NDUFS4: variants seen among roughly 807,000 people sequenced by gnomAD.
NDUFS4 encodes the protein NADH dehydrogenase [ubiquinone] iron-sulfur protein 4, mitochondrial.
NDUFS4 carries 28 observed loss-of-function variants against 24.3 expected under a neutral mutation model. The ratio of observed to expected loss-of-function variants is 1.15; its 90% confidence interval spans 0.85 to 1.58. The LOEUF (loss-of-function observed/expected upper bound fraction) is 1.58, where lower values mean the gene tolerates loss of function less well. NDUFS4 is among the 40% of genes most tolerant of loss of function. The pLI is 0.00. For synonymous variants in NDUFS4, 93 were observed against 69.7 expected (o/e 1.34, Z -1.67); for missense variants, 223 against 207.9 (o/e 1.07, Z -0.45).
intron 2 of NDUFS4, among the ~76,000 whole-genome samples, chr5:53,613,212 C>G (rs1750751939): frequency 6.6e-6 from 1 of 152,006 alleles, no homozygotes; most frequent in Non-Finnish European, 1.5e-5. Flanking sequence ...TGGGGTTATA[C>G]AGCTTTCTAG....
chr5:53,586,430 A>G (rs1445446314), intron 1 of NDUFS4, among the ~76,000 whole-genome samples: 1 of 152,224 alleles, frequency 6.6e-6, no homozygotes, highest in Non-Finnish European at 1.5e-5. Flanking sequence ...GATTTCAGAA[A>G]AATGATTGCA....
intron 2 of NDUFS4, among the ~76,000 whole-genome samples, chr5:53,629,453 T>C (rs1300238262): frequency 6.6e-6 from 1 of 152,150 alleles, no homozygotes; most frequent in Non-Finnish European, 1.5e-5. Flanking sequence ...TCTGTCTCGT[T>C]GATGTGTCTA....
intron 4 of NDUFS4, among the ~76,000 whole-genome samples, chr5:53,665,507 A>T (rs1214868049): frequency 2.6e-5 from 4 of 152,284 alleles, no homozygotes; most frequent in South Asian, 2.1e-4. Flanking sequence ...TTGTTTACCT[A>T]GTCAAGCCTT....
intron 1 of NDUFS4, among the ~76,000 whole-genome samples, chr5:53,580,735 T>TC (rs1749537630): frequency 6.7e-6 from 1 of 149,272 alleles, no homozygotes; most frequent in African/African-American, 2.5e-5. Context: ...CTTTTCCCTT[T>TC]CCTTTCCTTT....
chr5:53,662,631 T>G lies in NDUFS4; in HGVS notation c.424+4007T>G, dbSNP rs544736989. The stretch of plus-strand genomic sequence containing the variant: ...CTGTGAATCCATCTGGTCCTGGACT[T>G]TTTTTGGTTGGTAATCTATTAATTA... On this transcript the variant is annotated intron_variant, in intron 4 of 4. Transcript: ENST00000296684. Among the ~76,000 whole-genome samples the G allele has an allele frequency of 3.3e-3, 508 of 152,118 alleles. 4 individuals are homozygous for G. The highest frequency in any genetic ancestry group is 0.012 in the African/African-American group (496 of 41,506).
intron 2 of NDUFS4, among the ~76,000 whole-genome samples, chr5:53,610,606 G>C (rs1750664311): frequency 6.6e-6 from 1 of 152,140 alleles, no homozygotes; most frequent in South Asian, 2.1e-4. Context: ...TTCATAAAAT[G>C]AGGTATGCCT....
intron 4 of NDUFS4, among the ~76,000 whole-genome samples, chr5:53,671,917 C>CTCTT (rs947147257): frequency 2.0e-5 from 3 of 152,008 alleles, no homozygotes; most frequent in African/African-American, 7.2e-5. Context: ...GCTATAAAAA[C>CTCTT]TCTTTGAAAT....
chr5:53,606,542 C>G (rs1579864778), intron 2 of NDUFS4, among the ~76,000 whole-genome samples: 1 of 152,090 alleles, frequency 6.6e-6, no homozygotes, highest in Non-Finnish European at 1.5e-5. Flanking sequence ...AGTTTTTGTA[C>G]TTTTAGTAGA....
intron 2 of NDUFS4, among the ~76,000 whole-genome samples, chr5:53,625,124 T>C (rs1391108081): frequency 6.6e-6 from 1 of 152,116 alleles, no homozygotes; most frequent in African/African-American, 2.4e-5. Flanking sequence ...TTTGGCTTTA[T>C]TTTTTGTAGA....
chr5:53,658,486 A>G (rs1414617338), intron 3 of NDUFS4, 65 bp from the exon 4 acceptor site: 7 of 1,073,510 alleles, frequency 6.5e-6, no homozygotes, highest in Non-Finnish European at 1.0e-5. Flanking sequence ...TTTATTTTAA[A>G]TATTGATTTT....
At chr5:53,581,022 G>A (rs256109) in intron 1 of NDUFS4, among the ~76,000 whole-genome samples, 30,942 of 151,862 alleles carry the variant, frequency 0.2, 3,678 homozygotes, top group East Asian at 0.46. Context: ...TAATAGAGAT[G>A]GGGTTTCTCC....
intron 2 of NDUFS4, among the ~76,000 whole-genome samples, chr5:53,643,417 A>T (rs1463315562): frequency 1.3e-5 from 2 of 152,090 alleles, no homozygotes; most frequent in Admixed American, 6.6e-5. Flanking sequence ...CGGATTTTAA[A>T]TTTTTTTGTG....
intron 2 of NDUFS4, among the ~76,000 whole-genome samples, chr5:53,619,916 G>A (rs762602063): frequency 2.0e-5 from 3 of 151,978 alleles, no homozygotes; most frequent in Admixed American, 1.3e-4. Context: ...GCAACTATAC[G>A]CAATGCTAGA....
At chr5:53,568,781 A>G (rs1416642980) in intron 1 of NDUFS4, among the ~76,000 whole-genome samples, 1 of 152,186 alleles carries the variant, frequency 6.6e-6, no homozygotes, top group African/African-American at 2.4e-5. Context: ...TCTCTAAGAA[A>G]GTTTCATGCT....
At chr5:53,656,503 T>G (rs1752164293) in intron 3 of NDUFS4, among the ~76,000 whole-genome samples, 1 of 152,176 alleles carries the variant, frequency 6.6e-6, no homozygotes, top group Non-Finnish European at 1.5e-5. Flanking sequence ...TTGGATGGAC[T>G]TCCATGTGCA....
intron 4 of NDUFS4, among the ~76,000 whole-genome samples, chr5:53,659,200 T>C (rs1189250130): frequency 2.6e-5 from 4 of 152,152 alleles, no homozygotes. Context: ...ATATTTGCTT[T>C]TGGGGCAGCC....
intron 4 of NDUFS4, among the ~76,000 whole-genome samples, chr5:53,682,330 A>G (rs1183917931): frequency 6.6e-6 from 1 of 152,074 alleles, no homozygotes; most frequent in Non-Finnish European, 1.5e-5. Context: ...AGGAAAATAT[A>G]AATACTCAGA....
In NDUFS4 at chr5:53,646,350, A is replaced by G. The variant is rs973477715; in HGVS notation, c.295A>G (p.Met99Val). ...AGTAAACAACACAAAGAAATGGAAG[A>G]TGGAGTTTGATACCAGAGAGCGATG... Reference protein sequence around the residue: ...SGVNNTKKWKMEFDTRERWEN... With the variant: ...SGVNNTKKWKVEFDTRERWEN... Residue 99 changes from methionine (M) to valine (V), a missense_variant, in exon 3 of 5, where the codon ATG becomes GTG. Met to Val is a conservative substitution (Grantham distance 21, BLOSUM62 1). Coordinates refer to ENST00000296684, the MANE Select transcript of NDUFS4 (RefSeq NM_002495.4). 1 of 1,613,922 alleles carries G rather than the reference A, an allele frequency of 6.2e-7. No homozygotes were observed. The highest frequency in any genetic ancestry group is 2.2e-5 in the East Asian group (1 of 44,856).
intron 1 of NDUFS4, among the ~76,000 whole-genome samples, chr5:53,580,199 C>T (rs762516848): frequency 2.0e-5 from 3 of 152,200 alleles, no homozygotes; most frequent in Non-Finnish European, 4.4e-5. Flanking sequence ...GATTTATTTA[C>T]ATCATATGTA....
Sources: gnomAD v4.1 joint callset for allele counts (sites outside exome capture counted in the v4.1 genomes callset) on GRCh38, gnomAD v4.1.1 for gene constraint, MANE v1.5 for transcripts, NCBI Gene and HGNC (gene_info 2026-07-23, HGNC 2026-07-21) for gene names.